GDA: variants seen among roughly 807,000 people sequenced by gnomAD.
GDA encodes the protein guanine deaminase.
In GDA, 18 loss-of-function variants were observed where a neutral mutation model predicts 59.6. The ratio of observed to expected loss-of-function variants is 0.30; its 90% confidence interval spans 0.21 to 0.45. GDA has a LOEUF of 0.45. Among genes scored for constraint, GDA ranks in the 20% least tolerant of loss-of-function variants. GDA has a pLI of 1.00. For synonymous variants in GDA, 201 were observed against 201.1 expected (o/e 1.00, Z 0.00); for missense variants, 427 against 552.3 (o/e 0.77, Z 2.27).
intron 2 of GDA, among the ~76,000 whole-genome samples, chr9:72,197,738 C>G (rs1442018302): frequency 6.6e-6 from 1 of 152,056 alleles, no homozygotes; most frequent in Non-Finnish European, 1.5e-5. Flanking sequence ...ATTTAAAATG[C>G]AGAGATTCTT....
intron 2 of GDA, among the ~76,000 whole-genome samples, chr9:72,201,181 G>A (rs957468995): frequency 1.4e-5 from 2 of 144,928 alleles, no homozygotes; most frequent in Non-Finnish European, 3.0e-5. Flanking sequence ...AGGGGAAACT[G>A]AGTCACACAG....
chr9:72,119,682 A>C (rs1478159468), intron 1 of GDA, among the ~76,000 whole-genome samples: 4 of 152,178 alleles, frequency 2.6e-5, no homozygotes, highest in African/African-American at 9.7e-5. Context: ...GAAAGAGAAT[A>C]AATTTTCTTT....
At chr9:72,206,878 A>T (rs1834784992) in intron 3 of GDA, among the ~76,000 whole-genome samples, 1 of 151,712 alleles carries the variant, frequency 6.6e-6, no homozygotes, top group Non-Finnish European at 1.5e-5. Flanking sequence ...TCCTCTGACA[A>T]TTCTTTCCAA....
At position 72,250,704 on chromosome 9, in the gene GDA, C is replaced by G. The variant is rs545836798; in HGVS notation, c.*2362C>G. 1.2e-6 allele frequency: 2 copies of G among 1,611,270 alleles called. No homozygotes were observed. Among genetic ancestry groups the G allele is most frequent in the Non-Finnish European group, 1.7e-6 (2 of 1,179,138 alleles). ...ATTGTGGAGAGGCACTTTTCCAAGC[C>G]AATCTTATTTGTCACTTTTTGTTTT... On this transcript the variant is annotated 3_prime_UTR_variant, in exon 14 of 14. Transcript: ENST00000358399.
chr9:72,129,436 C>G (rs1186993639), intron 1 of GDA, among the ~76,000 whole-genome samples: 1 of 152,204 alleles, frequency 6.6e-6, no homozygotes, highest in African/African-American at 2.4e-5. Context: ...CACTCCACCT[C>G]CAGACCCGTG....
Position 72,149,577 on chromosome 9 carries a change from G to C in GDA, c.18G>C (p.Met6Ile), listed in dbSNP as rs765331343. The C allele has an allele frequency of 4.1e-5, 66 of 1,611,430 alleles. No individual in the cohort carries two copies. The South Asian group carries it at 6.4e-4, about 16-fold the overall frequency. Reference sequence around the variant, plus strand: ...CCGCTGACATGTGTGCCGCTCAGATGCCGCCCCTGGCGCACATCTTCCGAG... The same window carrying C: ...CCGCTGACATGTGTGCCGCTCAGATCCCGCCCCTGGCGCACATCTTCCGAG... MCAAQ[M>I]PPLAHIFRGT... The change falls in exon 1 of 14, where the codon ATG becomes ATC. Residue 6 changes from methionine to isoleucine, a missense_variant. Met to Ile is a conservative substitution (Grantham distance 10, BLOSUM62 1). Coordinates refer to ENST00000358399, the MANE Select transcript of GDA (RefSeq NM_004293.5).
At chr9:72,186,867 C>T (rs929431532) in intron 1 of GDA, among the ~76,000 whole-genome samples, 4 of 152,172 alleles carry the variant, frequency 2.6e-5, no homozygotes, top group Non-Finnish European at 4.4e-5. Flanking sequence ...TTGAAATCTT[C>T]GCTGATCACA....
At chr9:72,237,758 T>G (rs769256417) in intron 10 of GDA, among the ~76,000 whole-genome samples, 3 of 152,196 alleles carry the variant, frequency 2.0e-5, no homozygotes, top group Admixed American at 6.5e-5. Flanking sequence ...AGAGAATTCA[T>G]TTTTGCTAAC....
At chr9:72,115,199 A>G (rs922187386) in intron 1 of GDA, among the ~76,000 whole-genome samples, 1 of 152,234 alleles carries the variant, frequency 6.6e-6, no homozygotes, top group African/African-American at 2.4e-5. Flanking sequence ...TTGTGCACTC[A>G]AGGGTTATGG....
At chr9:72,200,250 C>A (rs924345548) in intron 2 of GDA, among the ~76,000 whole-genome samples, 1 of 152,138 alleles carries the variant, frequency 6.6e-6, no homozygotes, top group South Asian at 2.1e-4. Flanking sequence ...CCCGCCTTGG[C>A]CTCCCAAAGT....
chr9:72,135,439 A>G (rs1826185961), intron 1 of GDA, among the ~76,000 whole-genome samples: 1 of 152,206 alleles, frequency 6.6e-6, no homozygotes, highest in Non-Finnish European at 1.5e-5. Context: ...ATGATGCCAC[A>G]TGACAAGATC....
At chr9:72,150,341 G>A (rs113232755) in intron 1 of GDA, among the ~76,000 whole-genome samples, 28,053 of 148,340 alleles carry the variant, frequency 0.19, 2,906 homozygotes, top group African/African-American at 0.3. Flanking sequence ...ACACACGCAC[G>A]CACACACACA....
At chr9:72,258,040 G>C (rs1840906078), downstream of GDA, among the ~76,000 whole-genome samples, 1 of 152,040 alleles carries the variant, frequency 6.6e-6, no homozygotes, top group African/African-American at 2.4e-5. Flanking sequence ...GCCAGGTACG[G>C]TGACTCATGC....
At chr9:72,115,077 A>G (rs1825390276) in intron 1 of GDA, among the ~76,000 whole-genome samples, 1 of 152,200 alleles carries the variant, frequency 6.6e-6, no homozygotes, top group African/African-American at 2.4e-5. Context: ...AGCAGGGGAT[A>G]AAGGCCCAGA....
At chr9:72,155,003 A>G (rs905035589) in intron 1 of GDA, among the ~76,000 whole-genome samples, 1 of 152,234 alleles carries the variant, frequency 6.6e-6, no homozygotes, top group Non-Finnish European at 1.5e-5. Flanking sequence ...ATGACCTATC[A>G]GAACTTGAAC....
intron 5 of GDA, among the ~76,000 whole-genome samples, chr9:72,215,652 A>G (rs1030273432): frequency 6.6e-6 from 1 of 152,128 alleles, no homozygotes. Context: ...TACCTGTAAT[A>G]AAAGCTCTGA....
chr9:72,140,974 C>T (rs1218195570), intron 1 of GDA, among the ~76,000 whole-genome samples: 2 of 152,182 alleles, frequency 1.3e-5, no homozygotes, highest in African/African-American at 2.4e-5. Context: ...CTTGTCTGAA[C>T]TTACACATGC....
intron 4 of GDA, among the ~76,000 whole-genome samples, chr9:72,211,068 T>A (rs183489756): frequency 1.3e-5 from 2 of 152,306 alleles, no homozygotes; most frequent in African/African-American, 4.8e-5. Context: ...GAATTTTGTG[T>A]ATTAATTTAG....
intron 1 of GDA, among the ~76,000 whole-genome samples, chr9:72,124,852 C>G (rs955520374): frequency 6.6e-5 from 10 of 152,116 alleles, no homozygotes; most frequent in African/African-American, 2.4e-4. Flanking sequence ...TTGTGATCCA[C>G]CCGCCTCGGC....
Sources: allele counts gnomAD v4.1 joint callset (sites outside exome capture counted in the v4.1 genomes callset), GRCh38; gene constraint gnomAD v4.1.1; transcripts MANE v1.5; gene names NCBI Gene and HGNC (gene_info 2026-07-23, HGNC 2026-07-21).